Variants in CFAP251 observed in about 807,000 individuals in gnomAD.
The protein encoded by CFAP251 is cilia and flagella associated protein 251.
CFAP251 carries 93 observed loss-of-function variants against 126.7 expected under a neutral mutation model. The observed-to-expected ratio is 0.73, with a 90% CI of 0.62 to 0.87. CFAP251 has a LOEUF of 0.87. CFAP251 is among the 40% of genes least tolerant of loss of function. The pLI is 0.00. For missense variants in CFAP251, 1,287 were observed against 1,389.2 expected (o/e 0.93, Z 1.17); for synonymous variants, 503 against 506.9 (o/e 0.99, Z 0.10).
chr12:121,936,505 C>G (rs1880900064), intron 5 of CFAP251, among the ~76,000 whole-genome samples: 1 of 152,006 alleles, frequency 6.6e-6, no homozygotes, highest in Admixed American at 6.6e-5. Flanking sequence ...TATCTTTCAC[C>G]ACAGATAGTT....
At position 121,923,772 on chromosome 12, in the gene CFAP251, C is replaced by T; in HGVS notation, c.529C>T (p.Gln177Ter). Residue 177 changes from glutamine (Q) to a stop codon, truncating the protein, a stop_gained, in exon 3 of 22, where the codon CAG (glutamine) becomes TAG (stop). Coordinates refer to ENST00000288912, the MANE Select transcript of CFAP251 (RefSeq NM_144668.6). LOFTEE classifies it high-confidence loss of function. ...EEQQISSPER[Q>*]PSGELEEKTD... is the part of the protein sequence containing the mutation. The stretch of plus-strand genomic sequence containing the variant: ...ACAACAGATTAGTTCCCCTGAAAGG[C>T]AGCCCTCAGGAGAGCTTGAGGAGAA... 6.2e-7 allele frequency: 1 copy of T among 1,614,148 alleles called. No individual in the cohort carries two copies. The highest frequency in any genetic ancestry group is 8.5e-7 in the Non-Finnish European group (1 of 1,180,012).
chr12:121,956,727 C>T (rs566414023), intron 10 of CFAP251, among the ~76,000 whole-genome samples: 40 of 152,274 alleles, frequency 2.6e-4, no homozygotes, highest in Admixed American at 4.6e-4. Flanking sequence ...AACTCCTGAC[C>T]TCAGGTGATC....
intron 14 of CFAP251, among the ~76,000 whole-genome samples, chr12:121,961,708 A>G (rs2135785728): frequency 6.6e-6 from 1 of 152,336 alleles, no homozygotes; most frequent in South Asian, 2.1e-4. Flanking sequence ...GCAGAACAGT[A>G]CCCCTTTGCA....
At chr12:121,920,460 G>C (rs12228603) in intron 1 of CFAP251, among the ~76,000 whole-genome samples, 10 of 149,416 alleles carry the variant, frequency 6.7e-5, no homozygotes, top group Admixed American at 1.3e-4. Flanking sequence ...GCAGTGGCAC[G>C]ATCTCGGCTC....
intron 5 of CFAP251, among the ~76,000 whole-genome samples, chr12:121,936,142 G>C (rs866609612): frequency 6.6e-5 from 10 of 152,208 alleles, no homozygotes; most frequent in Non-Finnish European, 1.2e-4. Flanking sequence ...TCTTGCTATG[G>C]TATTTTTATT....
At chr12:121,935,274 T>A (rs1193947061) in intron 5 of CFAP251, among the ~76,000 whole-genome samples, 1 of 152,222 alleles carries the variant, frequency 6.6e-6, no homozygotes. Context: ...CTCTCTTTTT[T>A]AAATTAACAG....
chr12:121,957,027 C>T (rs376562451), intron 10 of CFAP251, 47 bp from the exon 11 acceptor site: 20 of 1,459,342 alleles, frequency 1.4e-5, no homozygotes, highest in Non-Finnish European at 1.7e-5. Flanking sequence ...ATAGATGCTA[C>T]TTGTTATTAT....
At chr12:121,968,729 T>C (rs1354023903) in intron 17 of CFAP251, among the ~76,000 whole-genome samples, 1 of 152,130 alleles carries the variant, frequency 6.6e-6, no homozygotes, top group Non-Finnish European at 1.5e-5. Context: ...ATTCCTTGCA[T>C]GCAAAATGAG....
intron 5 of CFAP251, among the ~76,000 whole-genome samples, chr12:121,941,000 G>A (rs1881089303): frequency 6.6e-6 from 1 of 151,906 alleles, no homozygotes. Flanking sequence ...AGGCAGCAAA[G>A]TTTTTATTTT....
chr12:122,003,878 G>A lies in CFAP251; in HGVS notation c.*114G>A. 1 of 725,538 alleles carries A rather than the reference G, an allele frequency of 1.4e-6. No individual in the cohort carries two copies. The highest frequency in any genetic ancestry group is 2.3e-5 in the South Asian group (1 of 43,494). 44.9% of individuals were successfully genotyped at this position (725,538 alleles called of 1,614,324 possible). On this transcript the variant is annotated 3_prime_UTR_variant, in exon 22 of 22. Transcript: ENST00000288912. ...ATTTCCCTCCCCCCTCTCATCTTTA[G>A]AACATTTAGACATTAAAGCAAGTTT...
At chr12:121,988,744 TC>T (rs1882808620) in intron 19 of CFAP251, among the ~76,000 whole-genome samples, 1 of 150,808 alleles carries the variant, frequency 6.6e-6, no homozygotes, top group African/African-American at 2.4e-5. Flanking sequence ...TTCTTTTTTT[TC>T]TCTTTTTTTT....
chr12:121,952,640 C>G (rs1257241302), intron 9 of CFAP251: 1 of 152,124 alleles, frequency 6.6e-6, no homozygotes, highest in Non-Finnish European at 1.5e-5. Flanking sequence ...TCTCCTGTAG[C>G]ATTTTCTGCA....
intron 19 of CFAP251, among the ~76,000 whole-genome samples, chr12:121,986,492 G>A (rs1182310404): frequency 1.3e-5 from 2 of 148,352 alleles, no homozygotes; most frequent in Non-Finnish European, 3.0e-5. Flanking sequence ...TAGTAGAGAC[G>A]GGGTTTCACC....
intron 5 of CFAP251, among the ~76,000 whole-genome samples, chr12:121,938,230 C>T (rs1016550573): frequency 6.6e-6 from 1 of 151,644 alleles, no homozygotes; most frequent in Admixed American, 6.6e-5. Context: ...TGGTCTCGAA[C>T]TCCTAGGCAC....
At chr12:121,975,367 A>T (rs1005687623) in intron 18 of CFAP251, 33 bp downstream of exon 18, 29 of 1,600,490 alleles carry the variant, frequency 1.8e-5, no homozygotes, top group Non-Finnish European at 2.4e-5. Flanking sequence ...CCTCCTGGTA[A>T]CATCTAGTTA....
At chr12:121,921,161 TTC>T in intron 1 of CFAP251, 123 bp from the exon 2 acceptor site, 2 of 1,115,180 alleles carry the variant, frequency 1.8e-6, no homozygotes, top group Non-Finnish European at 2.5e-6. Flanking sequence ...AAACATGACA[TTC>T]TTTTTATTCC....
intron 7 of CFAP251, 133 bp from the exon 8 acceptor site, chr12:121,948,851 C>A (rs113450643): frequency 5.7e-6 from 3 of 529,924 alleles, no homozygotes; most frequent in Non-Finnish European, 6.5e-6. Flanking sequence ...TTTTTTTTTA[C>A]GAAATGCGGT....
At chr12:121,991,886 G>A (rs1328975397) in intron 19 of CFAP251, among the ~76,000 whole-genome samples, 1 of 152,128 alleles carries the variant, frequency 6.6e-6, no homozygotes, top group Non-Finnish European at 1.5e-5. Flanking sequence ...CCAGCTACTT[G>A]GGAGGCTGAG....
chr12:121,928,639 TATATATATATATATATAC>T (rs1465747459), intron 3 of CFAP251, among the ~76,000 whole-genome samples: 7 of 3,334 alleles, frequency 2.1e-3, no homozygotes, highest in South Asian at 0.02. Flanking sequence ...TATATATACG[TATATATATATATATATAC>T]GTATATATAT....
Sources: gnomAD v4.1 joint callset for allele counts (sites outside exome capture counted in the v4.1 genomes callset) on GRCh38, gnomAD v4.1.1 for gene constraint, MANE v1.5 for transcripts, NCBI Gene and HGNC (gene_info 2026-07-23, HGNC 2026-07-21) for gene names.